The following ZNF473 variants were observed in gnomAD, a reference collection of about 807,000 sequenced individuals.
The protein encoded by ZNF473 is zinc finger protein 100 homolog.
A neutral mutation model predicts 11.1 loss-of-function variants in ZNF473; 4 were observed. The ratio of observed to expected loss-of-function variants is 0.36; its 90% CI spans 0.18 to 0.82. ZNF473 has a LOEUF of 0.82. Among genes scored for constraint, ZNF473 ranks in the 40% least tolerant of loss-of-function variants. The pLI, the probability that ZNF473 is intolerant of heterozygous loss-of-function variation, is 0.49. For synonymous variants in ZNF473, 404 were observed against 390.4 expected (o/e 1.03, Z -0.41); for missense variants, 854 against 1,084.0 (o/e 0.79, Z 2.98).
chr19:50,046,756 A>G lies in ZNF473; in HGVS notation c.2313A>G (p.Ser771=), dbSNP rs139532569. ...QECGKAFTQS[S]CLSIHRRVHT... is the part of the protein sequence containing the mutation. ...GCGGGAAAGCCTTCACCCAGAGCTC[A>G]TGCCTTTCTATTCACCGGAGAGTTC... Residue 771 remains serine, a synonymous_variant, in exon 5 of 5, where the codon TCA becomes TCG. Coordinates refer to ENST00000270617, the MANE Select transcript of ZNF473 (RefSeq NM_015428.4). This position sits in a 1 kb window ranked among gnomAD's most constrained non-coding sequence, Gnocchi z 5.9. The G allele has an allele frequency of 1.3e-3, 2,123 of 1,614,098 alleles. 2 individuals are homozygous for G. Among genetic ancestry groups the G allele is most frequent in the Non-Finnish European group, 1.7e-3 (2,027 of 1,180,030 alleles).
rs1176482972 is a variant in ZNF473, at chr19:50,048,753, C to T, written c.*1694C>T. 2.0e-5 allele frequency: 3 copies of T among 152,302 alleles called. No homozygotes were observed. The allele number at this position is 152,302 out of a possible 1,614,324, so 9.4% of individuals were successfully genotyped here. A position where few individuals can be genotyped will look rare whatever the true frequency, so the allele number is the denominator to read the frequency against. On this transcript the variant is annotated 3_prime_UTR_variant, in exon 5 of 5. Coordinates refer to ENST00000270617, the MANE Select transcript of ZNF473 (RefSeq NM_015428.4). ...CCGTGTGTGCATATTTGTTGGTTCTCTGATTAAAGTTTTGAGTCTAAAAGC... is the reference window on the plus strand; with the variant it reads ...CCGTGTGTGCATATTTGTTGGTTCTTTGATTAAAGTTTTGAGTCTAAAAGC...
At chr19:50,041,961 A>G (rs558455285) in intron 4 of ZNF473, 142 bp downstream of exon 4, 3 of 639,152 alleles carry the variant, frequency 4.7e-6, no homozygotes, top group African/African-American at 3.8e-5. Context: ...GCTGGCTTCC[A>G]TCCCCTTGTC....
intron 1 of ZNF473, among the ~76,000 whole-genome samples, chr19:50,028,482 C>G (rs571453288): frequency 6.7e-6 from 1 of 149,594 alleles, no homozygotes; most frequent in South Asian, 2.1e-4. Context: ...GTTGGGACTA[C>G]AGGCACGTGC....
intron 1 of ZNF473, among the ~76,000 whole-genome samples, chr19:50,029,139 GTTTTGT>G (rs556183758): frequency 7.9e-5 from 12 of 152,174 alleles, no homozygotes; most frequent in East Asian, 1.9e-4. Flanking sequence ...ACTTTGTTTT[GTTTTGT>G]TTTTGTTTTT....
intron 1 of ZNF473, among the ~76,000 whole-genome samples, chr19:50,027,121 C>A (rs2122787498): frequency 6.6e-6 from 1 of 152,204 alleles, no homozygotes; most frequent in African/African-American, 2.4e-5. Context: ...CAGAATTTTT[C>A]AGATTTTAGA....
intron 2 of ZNF473, among the ~76,000 whole-genome samples, chr19:50,037,372 G>T (rs779771249): frequency 2.0e-5 from 3 of 152,156 alleles, no homozygotes; most frequent in Non-Finnish European, 4.4e-5. Flanking sequence ...AAGAGAGGTG[G>T]TTTTCATTCT....
intron 1 of ZNF473, among the ~76,000 whole-genome samples, chr19:50,026,550 TAAAAA>T (rs71180669): frequency 1.0e-4 from 12 of 119,342 alleles, no homozygotes; most frequent in East Asian, 2.3e-4. Context: ...GACTACATCT[TAAAAA>T]AAAAAAAAAA....
chr19:50,045,665 C>T lies in ZNF473; in HGVS notation c.1222C>T (p.Arg408Cys), dbSNP rs150920598. Reference sequence around the variant, plus strand: ...AGAGGAGCCTTATAAGTGTAACGAACGTGGGAAATCCTTCAGGCATAACTC... The same window carrying T: ...AGAGGAGCCTTATAAGTGTAACGAATGTGGGAAATCCTTCAGGCATAACTC... Reference protein sequence around the residue: ...AGEEPYKCNERGKSFRHNSTL... With the variant: ...AGEEPYKCNECGKSFRHNSTL... Residue 408 changes from arginine (R) to cysteine (C), a missense_variant, in exon 5 of 5, where the codon CGT (arginine) becomes TGT (cysteine). This residue lies in a region of ZNF473 where 668 missense variants were observed against 790.2 expected (regional missense o/e 0.85). Coordinates refer to ENST00000270617, the MANE Select transcript of ZNF473 (RefSeq NM_015428.4). The T allele has an allele frequency of 5.1e-5, 83 of 1,614,022 alleles. No individual in the cohort carries two copies. Among genetic ancestry groups the T allele is most frequent in the East Asian group, 4.2e-4 (19 of 44,882 alleles).
chr19:50,027,532 A>C (rs2077292630), intron 1 of ZNF473, among the ~76,000 whole-genome samples: 1 of 152,084 alleles, frequency 6.6e-6, no homozygotes, highest in Admixed American at 6.6e-5. Context: ...CTTTCCTCCC[A>C]GAGCTGAGAG....
rs1297504295 is a variant in ZNF473, at chr19:50,030,977, G to A, written c.-106G>A. The A allele has an allele frequency of 2.7e-6, 4 of 1,503,676 alleles. No homozygotes were observed. In the African/African-American group the frequency reaches 4.2e-5, roughly 16 times the overall value. 93.1% of individuals were successfully genotyped at this position (1,503,676 alleles called of 1,614,324 possible). On this transcript the variant is annotated 5_prime_UTR_variant, in exon 2 of 5. Coordinates refer to ENST00000270617, the MANE Select transcript of ZNF473 (RefSeq NM_015428.4). ...GACAGCGAGTCAGCCATGGGTGGAA[G>A]GGAGGCTTTCTCACAGCTCCCTTGT...
chr19:50,039,480 A>G lies in ZNF473; in HGVS notation c.136+193A>G, dbSNP rs558181876. On this transcript the variant is annotated intron_variant, in intron 3 of 4. Transcript: ENST00000270617. The surrounding 1 kb of genome is among the most constrained non-coding windows in gnomAD (Gnocchi z 4.8). The stretch of plus-strand genomic sequence containing the variant: ...ATTTTTGATTGTTACTCCTTGGGCC[A>G]GCGCAGCGTGCCGCTAGCATCTAGC... 1.3e-5 allele frequency among the ~76,000 whole-genome samples: 2 copies of G among 152,214 alleles called. No individual in the cohort carries two copies. Among genetic ancestry groups the G allele is most frequent in the African/African-American group, 4.8e-5 (2 of 41,416 alleles).
chr19:50,030,454 C>T (rs1158813331), intron 1 of ZNF473, among the ~76,000 whole-genome samples: 1 of 152,136 alleles, frequency 6.6e-6, no homozygotes, highest in Non-Finnish European at 1.5e-5. Context: ...GCTGCAGTGG[C>T]CCATGATTGT....
chr19:50,043,448 AATATATATATAT>A (rs68083079), intron 4 of ZNF473: 6 of 107,916 alleles, frequency 5.6e-5, no homozygotes, highest in African/African-American at 1.6e-4. Flanking sequence ...AAAAAAAAAA[AATATATATATAT>A]ATATATATAT....
Position 50,046,483 on chromosome 19 carries a change from C to G in ZNF473, c.2040C>G (p.Asp680Glu). ...ATCCCTTTAAATGTAGTAAGTGTGA[C>G]AGAGTCTTCACCCAGAGAAACTACC... is the stretch of plus-strand genomic sequence containing the variant. ...GENPFKCSKC[D>E]RVFTQRNYLV... is the part of the protein sequence containing the mutation. The change falls in exon 5 of 5, where the codon GAC becomes GAG. Residue 680 changes from aspartate to glutamate, a missense_variant. Physicochemically the swap from Asp to Glu is conservative, Grantham distance 45 (BLOSUM62 2). Around this residue, in one of 2 missense-constraint regions of ZNF473, gnomAD observed 186 missense variants for 293.8 expected, o/e 0.63. Transcript: ENST00000270617. This position sits in a 1 kb window ranked among gnomAD's most constrained non-coding sequence, Gnocchi z 5.9. 1 of 1,614,236 alleles carries G rather than the reference C, an allele frequency of 6.2e-7. No individual in the cohort carries two copies. The highest frequency in any genetic ancestry group is 8.5e-7 in the Non-Finnish European group (1 of 1,180,038).
intron 1 of ZNF473, among the ~76,000 whole-genome samples, chr19:50,026,740 C>T (rs1042767405): frequency 1.5e-4 from 23 of 151,730 alleles, no homozygotes; most frequent in African/African-American, 5.6e-4. Flanking sequence ...AATTGGGAGG[C>T]CGAGGTGGGA....
At chr19:50,035,452 CGTGTGTGTGTGTGTGT>C (rs3222106) in intron 2 of ZNF473, among the ~76,000 whole-genome samples, 2 of 138,392 alleles carry the variant, frequency 1.4e-5, no homozygotes, top group South Asian at 2.5e-4. Flanking sequence ...TTCTTTCATA[CGTGTGTGTGTGTGTGT>C]GTGTGTGTGT....
At chr19:50,044,205 C>T (rs553560768) in intron 4 of ZNF473, among the ~76,000 whole-genome samples, 4 of 152,070 alleles carry the variant, frequency 2.6e-5, no homozygotes, top group Non-Finnish European at 4.4e-5. Flanking sequence ...TGAGACATTT[C>T]GATAGAGACC....
chr19:50,045,141 G>C lies in ZNF473; in HGVS notation c.698G>C (p.Arg233Thr), dbSNP rs1271168543. The C allele has an allele frequency of 6.2e-7, 1 of 1,614,062 alleles. No homozygotes were observed. Among genetic ancestry groups the C allele is most frequent in the Non-Finnish European group, 8.5e-7 (1 of 1,180,050 alleles). ...RLTQHWITHT[R>T]EKPTVHQECE... ...ACCCAGCACTGGATCACTCATACTA[G>C]GGAGAAACCCACTGTCCATCAAGAG... The change falls in exon 5 of 5, where the codon AGG (arginine) becomes ACG (threonine). Residue 233 changes from arginine to threonine, a missense_variant. Physicochemically the swap from Arg to Thr is moderately conservative, Grantham distance 71 (BLOSUM62 -1). Coordinates refer to ENST00000270617, the MANE Select transcript of ZNF473 (RefSeq NM_015428.4).
intron 2 of ZNF473, among the ~76,000 whole-genome samples, chr19:50,033,911 C>T (rs2077331754): frequency 6.6e-6 from 1 of 152,150 alleles, no homozygotes; most frequent in Non-Finnish European, 1.5e-5. Flanking sequence ...GGATAATCTC[C>T]CCATTTCCAG....
Sources: allele counts gnomAD v4.1 joint callset (sites outside exome capture counted in the v4.1 genomes callset), GRCh38; gene constraint gnomAD v4.1.1; regional missense constraint gnomAD v4.1.1; non-coding constraint Gnocchi (gnomAD v3.1); transcripts MANE v1.5; gene names NCBI Gene and HGNC (gene_info 2026-07-23, HGNC 2026-07-21).